Variants in PSMD1 observed in about 807,000 individuals in gnomAD.
PSMD1 encodes 26S proteasome non-ATPase regulatory subunit 1.
In PSMD1, 18 loss-of-function variants were observed where a neutral mutation model predicts 119.0. That is an observed-to-expected ratio of 0.15 (90% CI 0.10 to 0.22). The LOEUF (loss-of-function observed/expected upper bound fraction) is 0.22. Ranked by LOEUF, PSMD1 falls within the 10% of genes least tolerant of loss-of-function variation. The pLI is 1.00. For missense variants in PSMD1, 702 were observed against 1,158.5 expected (o/e 0.61, Z 5.72); for synonymous variants, 374 against 396.6 (o/e 0.94, Z 0.68).
intron 16 of PSMD1, among the ~76,000 whole-genome samples, chr2:231,106,024 T>G (rs748270001): frequency 0.012 from 1,844 of 152,092 alleles, 24 homozygotes; most frequent in Middle Eastern, 0.088. Flanking sequence ...AAAGGTTTTT[T>G]TTTTTTTTTC....
chr2:231,138,769 G>A lies in PSMD1; in HGVS notation c.1917G>A (p.Leu639=), dbSNP rs775471745. 1 of 1,614,036 alleles carries A rather than the reference G, an allele frequency of 6.2e-7. No homozygotes were observed. The highest frequency in any genetic ancestry group is 1.3e-5 in the African/African-American group (1 of 75,008). Reference sequence around the variant, plus strand: ...AACAGTGCCCAAGTGTTGTCTCTTTGTTGTCAGAGAGTTACAACCCTCATG... The same window carrying A: ...AACAGTGCCCAAGTGTTGTCTCTTTATTGTCAGAGAGTTACAACCCTCATG... The part of the protein sequence containing the change: ...TPEQCPSVVS[L]LSESYNPHVR... Residue 639 remains leucine, a synonymous_variant, in exon 17 of 25, where the codon TTG becomes TTA. Coordinates refer to ENST00000308696, the MANE Select transcript of PSMD1 (RefSeq NM_002807.4).
At chr2:231,081,136 ACT>A (rs1271281628) in intron 12 of PSMD1, among the ~76,000 whole-genome samples, 1 of 142,298 alleles carries the variant, frequency 7.0e-6, no homozygotes, top group African/African-American at 2.6e-5. Flanking sequence ...CAAGACAGAA[ACT>A]CTGTCTAAAA....
At chr2:231,128,153 G>GT (rs1695770083) in intron 16 of PSMD1, among the ~76,000 whole-genome samples, 1 of 152,202 alleles carries the variant, frequency 6.6e-6, no homozygotes, top group Non-Finnish European at 1.5e-5. Flanking sequence ...ATAAAGGAAT[G>GT]TTTAACATGA....
chr2:231,071,454 CTT>C (rs900362778), intron 6 of PSMD1, among the ~76,000 whole-genome samples: 1 of 151,994 alleles, frequency 6.6e-6, no homozygotes, highest in African/African-American at 2.4e-5. Flanking sequence ...TGTATACAGT[CTT>C]TAACATTTTT....
At chr2:231,062,944 C>G (rs1289384722) in intron 4 of PSMD1, among the ~76,000 whole-genome samples, 1 of 151,958 alleles carries the variant, frequency 6.6e-6, no homozygotes, top group Non-Finnish European at 1.5e-5. Context: ...ACAAGTGGTA[C>G]CAGTTTGTGT....
At chr2:231,154,684 G>C (rs1335813495) in intron 19 of PSMD1, among the ~76,000 whole-genome samples, 1 of 152,158 alleles carries the variant, frequency 6.6e-6, no homozygotes, top group Admixed American at 6.5e-5. Context: ...GCTCAGGCTT[G>C]TCTTGAACTC....
At chr2:231,075,086 T>C (rs1411029613) in intron 7 of PSMD1, among the ~76,000 whole-genome samples, 1 of 152,220 alleles carries the variant, frequency 6.6e-6, no homozygotes, top group East Asian at 1.9e-4. Context: ...CTTTTTAATT[T>C]GGATTCTCTG....
chr2:231,093,548 G>A (rs889440055), intron 16 of PSMD1, among the ~76,000 whole-genome samples: 9 of 152,136 alleles, frequency 5.9e-5, no homozygotes, highest in African/African-American at 1.9e-4. Flanking sequence ...ACCTGAGGGG[G>A]TGTGAACACA....
chr2:231,072,772 A>G (rs914276244), intron 7 of PSMD1, among the ~76,000 whole-genome samples: 5 of 152,186 alleles, frequency 3.3e-5, no homozygotes, highest in African/African-American at 1.2e-4. Context: ...TAGAAAGTAA[A>G]GAACATTCTC....
intron 17 of PSMD1, among the ~76,000 whole-genome samples, chr2:231,141,723 T>G (rs1339795391): frequency 6.6e-6 from 1 of 152,156 alleles, no homozygotes; most frequent in Non-Finnish European, 1.5e-5. Context: ...ACTGAGAATA[T>G]AATGTTCACT....
intron 16 of PSMD1, among the ~76,000 whole-genome samples, chr2:231,124,514 T>A (rs1005766047): frequency 6.6e-6 from 1 of 152,120 alleles, no homozygotes; most frequent in Non-Finnish European, 1.5e-5. Flanking sequence ...TTATATGTAA[T>A]TAGCTTTGTC....
chr2:231,169,935 T>C (rs1696876089), intron 23 of PSMD1, among the ~76,000 whole-genome samples: 1 of 152,246 alleles, frequency 6.6e-6, no homozygotes, highest in Non-Finnish European at 1.5e-5. Context: ...CACGTGGATT[T>C]ATAGATTAAA....
chr2:231,134,406 C>T (rs1226475395), intron 16 of PSMD1, among the ~76,000 whole-genome samples: 1 of 152,132 alleles, frequency 6.6e-6, no homozygotes, highest in African/African-American at 2.4e-5. Context: ...CCGAGCGAGC[C>T]TAAACCAAGA....
At chr2:231,154,976 A>G (rs1046913469) in intron 19 of PSMD1, among the ~76,000 whole-genome samples, 1 of 152,200 alleles carries the variant, frequency 6.6e-6, no homozygotes, top group Non-Finnish European at 1.5e-5. Flanking sequence ...ATAATACCAT[A>G]GTCTGTTTCA....
chr2:231,161,197 T>G lies in PSMD1; in HGVS notation c.2219-143T>G, dbSNP rs1696631087. On this transcript the variant is annotated intron_variant, in intron 19 of 24. Coordinates refer to ENST00000308696, the MANE Select transcript of PSMD1 (RefSeq NM_002807.4). ...GCTGCACTTGGGTGCAGTGTTTCACTCTGTCACCCGAGCTTGGGTAACAGT... is the reference window on the plus strand; with the variant it reads ...GCTGCACTTGGGTGCAGTGTTTCACGCTGTCACCCGAGCTTGGGTAACAGT... 4 of 775,074 alleles carry G rather than the reference T, an allele frequency of 5.2e-6. No individual in the cohort carries two copies. The South Asian group carries it at 6.2e-5, about 12-fold the overall frequency. The allele number at this position is 775,074 out of a possible 1,614,324, so 48.0% of individuals were successfully genotyped here. A position where few individuals can be genotyped will look rare whatever the true frequency, so the allele number is the denominator to read the frequency against.
At chr2:231,098,026 G>A (rs142982380) in intron 16 of PSMD1, among the ~76,000 whole-genome samples, 3 of 152,188 alleles carry the variant, frequency 2.0e-5, no homozygotes, top group Non-Finnish European at 2.9e-5. Context: ...CCTCCCTGTC[G>A]TGAGAGACAT....
intron 21 of PSMD1, among the ~76,000 whole-genome samples, chr2:231,164,784 C>T (rs552641771): frequency 2.0e-5 from 3 of 151,700 alleles, no homozygotes; most frequent in East Asian, 1.9e-4. Context: ...CTACAACCAG[C>T]GCTGAAGGAA....
chr2:231,094,984 C>CCAGGTA (rs1338155029), intron 16 of PSMD1, among the ~76,000 whole-genome samples: 1 of 152,172 alleles, frequency 6.6e-6, no homozygotes, highest in Admixed American at 6.6e-5. Flanking sequence ...GTGTTTTAGT[C>CCAGGTA]CAGGTATGTG....
In PSMD1 at chr2:231,133,356, T is replaced by G. The variant is rs575043383; in HGVS notation, c.1884-5380T>G. 6 of 152,186 alleles carry G rather than the reference T, an allele frequency of 3.9e-5. No individual in the cohort carries two copies. The South Asian group carries it at 1.2e-3, about 32-fold the overall frequency. The allele number at this position is 152,186 out of a possible 1,614,324, so 9.4% of individuals were successfully genotyped here. ...CAGATATATTCTTAATTGCTGTGTA[T>G]TGAGTTAATCCTCTAACACTGTGGC... On this transcript the variant is annotated intron_variant, in intron 16 of 24. Transcript: ENST00000308696.
Sources: allele counts gnomAD v4.1 joint callset (sites outside exome capture counted in the v4.1 genomes callset), GRCh38; gene constraint gnomAD v4.1.1; transcripts MANE v1.5; gene names NCBI Gene and HGNC (gene_info 2026-07-23, HGNC 2026-07-21).